Variants in RETREG2 observed in about 807,000 individuals in gnomAD.
The protein encoded by RETREG2 is reticulophagy regulator family member 2.
In RETREG2, 21 loss-of-function variants were observed where a neutral mutation model predicts 51.6. That is an observed-to-expected ratio of 0.41 (90% CI 0.29 to 0.59). The LOEUF (loss-of-function observed/expected upper bound fraction) is 0.59, where lower values mean the gene tolerates loss of function less well. RETREG2 is among the 20% of genes least tolerant of loss of function. The pLI, the probability that RETREG2 is intolerant of heterozygous loss-of-function variation, is 0.34. For missense variants in RETREG2, 674 were observed against 646.0 expected (o/e 1.04, Z -0.47); for synonymous variants, 339 against 288.6 (o/e 1.17, Z -1.77).
chr2:219,181,761 C>T lies in RETREG2; in HGVS notation c.1001C>T (p.Thr334Ile). ...SVSRATTPQL[T>I]DVSEDLDQQS... ...TCCCGGGCCACAACTCCGCAGCTGA[C>T]TGATGTCTCCGAGGGTATGGGGAGC... Residue 334 changes from threonine to isoleucine, a missense_variant, in exon 8 of 9, where the codon ACT becomes ATT. Thr to Ile is a moderately conservative substitution (Grantham distance 89). Coordinates refer to ENST00000430297, the MANE Select transcript of RETREG2 (RefSeq NM_024293.6). 3 of 1,613,848 alleles carry T rather than the reference C, an allele frequency of 1.9e-6. No homozygotes were observed. The highest frequency in any genetic ancestry group is 1.1e-5 in the South Asian group (1 of 91,076).
intron 1 of RETREG2, 33 bp downstream of exon 1, chr2:219,178,666 AT>A (rs1950225401): frequency 7.3e-7 from 1 of 1,365,176 alleles, no homozygotes; most frequent in African/African-American, 1.5e-5. Flanking sequence ...CGGGGCCGGG[AT>A]GAGCGGGGGA....
intron 2 of RETREG2, 92 bp downstream of exon 2, chr2:219,179,120 G>A: frequency 1.1e-6 from 1 of 924,104 alleles, no homozygotes; most frequent in Non-Finnish European, 1.8e-6. Flanking sequence ...GGAACGTACA[G>A]CAGGCCACCT....
At chr2:219,181,824 C>T (rs565105496) in intron 8 of RETREG2, 49 bp downstream of exon 8, 1 of 1,602,920 alleles carries the variant, frequency 6.2e-7, no homozygotes, top group Admixed American at 1.7e-5. Context: ...TCTTTGTGTT[C>T]CCTACCATGG....
rs1039820292 is a variant in RETREG2 at position 219,178,703 on chromosome 2, C to G, written c.281+70C>G. 2.2e-6 allele frequency: 3 copies of G among 1,394,456 alleles called. No individual in the cohort carries two copies. The South Asian group carries it at 4.5e-5, about 21-fold the overall frequency. The allele number at this position is 1,394,456 out of a possible 1,614,324, so 86.4% of individuals were successfully genotyped here. A position where few individuals can be genotyped will look rare whatever the true frequency, so the allele number is the denominator to read the frequency against. Reference sequence around the variant, plus strand: ...GGGAGGGGTCGAGAGCACCATTCCCCTTTCTGGGTTATCACTTGGCCTGGG... The same window carrying G: ...GGGAGGGGTCGAGAGCACCATTCCCGTTTCTGGGTTATCACTTGGCCTGGG... On this transcript the variant is annotated intron_variant, in intron 1 of 8. Transcript: ENST00000430297.
rs569709851 is a variant in RETREG2 at position 219,182,582 on chromosome 2, T to C, written c.1585T>C (p.Ser529Pro). The C allele has an allele frequency of 6.2e-7, 1 of 1,614,170 alleles. No homozygotes were observed. The highest frequency in any genetic ancestry group is 1.3e-5 in the African/African-American group (1 of 75,030). ...DAPPLGPDIH[S>P]LVQSDQEAQA... ...TCCACCCCTGGGGCCCGACATCCAT[T>C]CTCTGGTACAGTCAGACCAAGAAGC... Residue 529 changes from serine (S) to proline (P), a missense_variant, in exon 9 of 9, where the codon TCT becomes CCT. Transcript: ENST00000430297.
chr2:219,178,756 G>A, intron 1 of RETREG2, 123 bp downstream of exon 1: 1 of 1,232,872 alleles, frequency 8.1e-7, no homozygotes, highest in Admixed American at 2.9e-5. Context: ...GTTTTTGCAG[G>A]CTGACATCCG....
rs1950282122 is a variant in RETREG2, at chr2:219,181,740, G to A, written c.980G>A (p.Arg327Gln). Residue 327 changes from arginine to glutamine, a missense_variant, in exon 8 of 9, where the codon CGG (arginine) becomes CAG (glutamine). Coordinates refer to ENST00000430297, the MANE Select transcript of RETREG2 (RefSeq NM_024293.6). ...GAGAGTGGTGGCTTCTCCGTATCCC[G>A]GGCCACAACTCCGCAGCTGACTGAT... ...ILESGGFSVS[R>Q]ATTPQLTDVS... 16 of 1,613,890 alleles carry A rather than the reference G, an allele frequency of 9.9e-6. No individual in the cohort carries two copies. The highest frequency in any genetic ancestry group is 1.3e-5 in the African/African-American group (1 of 74,988).
intron 5 of RETREG2, 101 bp downstream of exon 5, chr2:219,180,855 T>C: frequency 7.0e-7 from 1 of 1,428,234 alleles, no homozygotes. Context: ...CAGTTTCTGA[T>C]TTGTGGAGAT....
intron 3 of RETREG2, 107 bp downstream of exon 3, chr2:219,179,870 G>A: frequency 7.5e-7 from 1 of 1,325,532 alleles, no homozygotes; most frequent in Non-Finnish European, 1.1e-6. Flanking sequence ...GAATGAACTG[G>A]TAACAAGCCA....
In RETREG2 at chr2:219,178,332, GGCGGCGGCT is replaced by G; in HGVS notation, c.-13_-5del. 2.5e-6 allele frequency: 1 copy of G among 403,252 alleles called. No homozygotes were observed. The highest frequency in any genetic ancestry group is 4.4e-6 in the Non-Finnish European group (1 of 228,928). 25.0% of individuals were successfully genotyped at this position (403,252 alleles called of 1,614,324 possible). Reference sequence around the variant, plus strand: ...GCAGCCCTGGCTCCTCGCGGGCTCGGGCGGCGGCTGCGGCGGGGCTATGGCGAGCGGCGG... The same window carrying G: ...GCAGCCCTGGCTCCTCGCGGGCTCGGGCGGCGGGGCTATGGCGAGCGGCGG... On this transcript the variant is annotated 5_prime_UTR_variant, in exon 1 of 9. Transcript: ENST00000430297.
chr2:219,184,644 A>T lies in RETREG2; in HGVS notation c.*2015A>T, dbSNP rs959252101. On this transcript the variant is annotated 3_prime_UTR_variant, in exon 9 of 9. Coordinates refer to ENST00000430297, the MANE Select transcript of RETREG2 (RefSeq NM_024293.6). The stretch of plus-strand genomic sequence containing the variant: ...ATCAATAAGCAAGCAATTCAAGAAA[A>T]ATAGAATTAATCAGGCAATGACTGC... 6.6e-6 allele frequency: 1 copy of T among 152,140 alleles called. No individual in the cohort carries two copies. Among genetic ancestry groups the T allele is most frequent in the African/African-American group, 2.4e-5 (1 of 41,430 alleles). 9.4% of individuals were successfully genotyped at this position (152,140 alleles called of 1,614,324 possible). A position where few individuals can be genotyped will look rare whatever the true frequency, so the allele number is the denominator to read the frequency against.
At chr2:219,178,787 C>T in intron 1 of RETREG2, 135 bp from the exon 2 acceptor site, 2 of 1,155,522 alleles carry the variant, frequency 1.7e-6, no homozygotes, top group Non-Finnish European at 2.4e-6. Context: ...CCATTTTTTT[C>T]TATCTCTGAG....
chr2:219,178,604 C>T lies in RETREG2; in HGVS notation c.252C>T (p.Val84=), dbSNP rs11538424. The change falls in exon 1 of 9, where the codon GTC becomes GTT. Residue 84 remains valine, a synonymous_variant. Transcript: ENST00000430297. ...LVWEKPLHSL[V]TAAALNGLFW... ...GGGAGAAGCCGCTGCACAGCCTGGT[C>T]ACGGCGGCCGCGCTCAACGGCCTCT... 1 of 1,465,004 alleles carries T rather than the reference C, an allele frequency of 6.8e-7. No individual in the cohort carries two copies. The allele number at this position is 1,465,004 out of a possible 1,614,324, so 90.8% of individuals were successfully genotyped here. A position where few individuals can be genotyped will look rare whatever the true frequency, so the allele number is the denominator to read the frequency against.
Position 219,182,137 on chromosome 2 carries a change from G to T in RETREG2, c.1140G>T (p.Arg380Ser). 1 of 1,614,078 alleles carries T rather than the reference G, an allele frequency of 6.2e-7. No homozygotes were observed. The highest frequency in any genetic ancestry group is 1.1e-5 in the South Asian group (1 of 91,076). Residue 380 changes from arginine (R) to serine (S), a missense_variant, in exon 9 of 9, where the codon AGG (arginine) becomes AGT (serine). By Grantham distance (110) the Arg-to-Ser change is moderately radical. Transcript: ENST00000430297. Reference protein sequence around the residue: ...DLLGRPQALSRQALDSEEEEE... With the variant: ...DLLGRPQALSSQALDSEEEEE... ...TAGGCCGTCCTCAAGCTCTGTCAAG[G>T]CAAGCCCTGGACTCGGAGGAAGAGG...
In RETREG2 at chr2:219,180,684, C is replaced by T. The variant is rs758325250; in HGVS notation, c.570C>T (p.Val190=). The T allele has an allele frequency of 2.1e-5, 34 of 1,613,692 alleles. No individual in the cohort carries two copies. The highest frequency in any genetic ancestry group is 5.0e-5 in the Admixed American group (3 of 60,010). ...RQNPAQFCVR[V]CSGCAVLAVL... is the part of the protein sequence containing the mutation. ...CTTCTCTGCAGTTCTGCGTTCGAGT[C>T]TGCTCTGGCTGTGCTGTGTTGGCTG... is the stretch of plus-strand genomic sequence containing the variant. Residue 190 remains valine, a synonymous_variant, in exon 5 of 9, where the codon GTC becomes GTT. Coordinates refer to ENST00000430297, the MANE Select transcript of RETREG2 (RefSeq NM_024293.6).
chr2:219,180,699 T>C lies in RETREG2; in HGVS notation c.585T>C (p.Ala195=), dbSNP rs922760688. 3 of 1,613,756 alleles carry C rather than the reference T, an allele frequency of 1.9e-6. No individual in the cohort carries two copies. The African/African-American group carries it at 4.0e-5, about 22-fold the overall frequency. Reference sequence around the variant, plus strand: ...GCGTTCGAGTCTGCTCTGGCTGTGCTGTGTTGGCTGTGTTGGGACACTATG... The same window carrying C: ...GCGTTCGAGTCTGCTCTGGCTGTGCCGTGTTGGCTGTGTTGGGACACTATG... ...QFCVRVCSGC[A]VLAVLGHYVP... The change falls in exon 5 of 9, where the codon GCT becomes GCC. Residue 195 remains alanine, a synonymous_variant. Coordinates refer to ENST00000430297, the MANE Select transcript of RETREG2 (RefSeq NM_024293.6).
At position 219,180,655 on chromosome 2, in the gene RETREG2, T is replaced by G; in HGVS notation, c.556-15T>G. 3.1e-6 allele frequency: 5 copies of G among 1,614,186 alleles called. No homozygotes were observed. Among genetic ancestry groups the G allele is most frequent in the Non-Finnish European group, 4.2e-6 (5 of 1,180,006 alleles). On this transcript the variant is annotated splice_polypyrimidine_tract_variant and intron_variant, in intron 4 of 8. Coordinates refer to ENST00000430297, the MANE Select transcript of RETREG2 (RefSeq NM_024293.6). ...TCTCAGCGTGATGTTCTTAGACTTT[T>G]GCTCTTCTCTGCAGTTCTGCGTTCG... is the stretch of plus-strand genomic sequence containing the variant.
At chr2:219,179,265 T>C (rs1032359244) in intron 2 of RETREG2, among the ~76,000 whole-genome samples, 37 of 152,352 alleles carry the variant, frequency 2.4e-4, no homozygotes, top group Admixed American at 5.2e-4. Flanking sequence ...TGGGTTCCAT[T>C]CTCTGTTCTG....
chr2:219,185,254 C>T lies in RETREG2; in HGVS notation c.*2625C>T, dbSNP rs985384638. 1 of 151,920 alleles carries T rather than the reference C, an allele frequency of 6.6e-6. No individual in the cohort carries two copies. The highest frequency in any genetic ancestry group is 2.4e-5 in the African/African-American group (1 of 41,342). The allele number at this position is 151,920 out of a possible 1,614,324, so 9.4% of individuals were successfully genotyped here. A position where few individuals can be genotyped will look rare whatever the true frequency, so the allele number is the denominator to read the frequency against. On this transcript the variant is annotated 3_prime_UTR_variant, in exon 9 of 9. Coordinates refer to ENST00000430297, the MANE Select transcript of RETREG2 (RefSeq NM_024293.6). The stretch of plus-strand genomic sequence containing the variant: ...CCACGATGAAAGGGCCAGAGGTTTT[C>T]ATATGAGTAAAAGAAAAAAGCAGAA...
Sources: allele counts gnomAD v4.1 joint callset (sites outside exome capture counted in the v4.1 genomes callset), GRCh38; gene constraint gnomAD v4.1.1; transcripts MANE v1.5; gene names NCBI Gene and HGNC (gene_info 2026-07-23, HGNC 2026-07-21).